RUNX3: variants seen among roughly 807,000 people sequenced by gnomAD.
RUNX3 encodes RUNX family transcription factor 3.
RUNX3 carries 10 observed loss-of-function variants against 27.7 expected under a neutral mutation model. The observed-to-expected ratio is 0.36, with a 90% CI of 0.22 to 0.61. The LOEUF (loss-of-function observed/expected upper bound fraction) is 0.61. RUNX3 is among the 20% of genes least tolerant of loss of function. The pLI, the probability that RUNX3 is intolerant of heterozygous loss-of-function variation, is 0.72. For missense variants in RUNX3, 469 were observed against 629.5 expected (o/e 0.75, Z 2.73); for synonymous variants, 270 against 269.2 (o/e 1.00, Z -0.03).
chr1:24,902,521 C>T lies in RUNX3; in HGVS notation c.849G>A (p.Thr283=), dbSNP rs779004787. 6.9e-6 allele frequency: 11 copies of T among 1,596,052 alleles called. No homozygotes were observed. The highest frequency in any genetic ancestry group is 3.4e-5 in the Admixed American group (2 of 59,442). The change falls in exon 5 of 5, where the codon ACG becomes ACA. Residue 283 remains threonine, a synonymous_variant. Coordinates refer to ENST00000308873, the MANE Select transcript of RUNX3 (RefSeq NM_004350.3). This position sits in a 1 kb window ranked among gnomAD's most constrained non-coding sequence, Gnocchi z 9.2. The stretch of plus-strand genomic sequence containing the variant: ...GGCTGCTGATGCTCGTGCCCGAGGG[C>T]GTGGCGCTGTAGGGGAAGGCAGCTG... ...AMSAAFPYSA[T]PSGTSISSLS... is the part of the protein sequence containing the mutation.
upstream of RUNX3, among the ~76,000 whole-genome samples, chr1:24,932,284 G>A (rs1026845442): frequency 6.6e-6 from 1 of 151,060 alleles, no homozygotes; most frequent in Admixed American, 6.6e-5. Flanking sequence ...TCCGTAGGGC[G>A]CTGGCTCCCC....
chr1:24,945,928 T>A (rs1174163669), intron 2 of RUNX3, among the ~76,000 whole-genome samples: 2 of 152,204 alleles, frequency 1.3e-5, no homozygotes, highest in Non-Finnish European at 1.5e-5. Context: ...CTTGCTATTG[T>A]GTCCTTTACG....
chr1:24,939,327 A>G (rs1641421157), intron 2 of RUNX3, among the ~76,000 whole-genome samples: 1 of 152,250 alleles, frequency 6.6e-6, no homozygotes, highest in Non-Finnish European at 1.5e-5. Flanking sequence ...CATGGAGGAC[A>G]GCATTGTTAC....
chr1:24,963,224 A>C (rs1162742284), intron 2 of RUNX3: 1 of 152,562 alleles, frequency 6.6e-6, no homozygotes, highest in African/African-American at 2.4e-5. Flanking sequence ...CCCCGCTCTC[A>C]GACAAGCCTT....
At chr1:24,935,409 C>T (rs753405017) in intron 2 of RUNX3, among the ~76,000 whole-genome samples, 8 of 152,204 alleles carry the variant, frequency 5.3e-5, no homozygotes, top group Non-Finnish European at 1.0e-4. Context: ...TCCCGCGGGG[C>T]GCCAGCTCCC....
intron 2 of RUNX3, among the ~76,000 whole-genome samples, chr1:24,924,241 G>A (rs1008475218): frequency 2.0e-5 from 3 of 152,144 alleles, no homozygotes; most frequent in Non-Finnish European, 2.9e-5. Context: ...GCTGAGCATG[G>A]TGGCGCATGC....
chr1:24,961,970 T>G (rs1642125521), intron 2 of RUNX3: 2 of 152,096 alleles, frequency 1.3e-5, no homozygotes, highest in South Asian at 4.2e-4. Flanking sequence ...ACCTGGAGTT[T>G]TTGTCTTGCG....
chr1:24,907,138 A>G, intron 4 of RUNX3, 121 bp downstream of exon 4: 2 of 1,046,488 alleles, frequency 1.9e-6, no homozygotes, highest in African/African-American at 1.6e-5. Flanking sequence ...CAGCTCCTCT[A>G]CAAAACAAGG....
intron 2 of RUNX3, among the ~76,000 whole-genome samples, chr1:24,936,572 T>A (rs906313176): frequency 6.6e-6 from 1 of 152,158 alleles, no homozygotes; most frequent in African/African-American, 2.4e-5. Context: ...AACTGAGGCC[T>A]AGGAAGGAAG....
rs550473280 is a variant in RUNX3, at chr1:24,923,475, A to G, written c.439+4099T>C. Among the ~76,000 whole-genome samples, 158 of 152,256 alleles carry G rather than the reference A, an allele frequency of 1.0e-3. 1 individual carries two copies. The highest frequency in any genetic ancestry group is 3.6e-3 in the African/African-American group (151 of 41,528). ...ACCTGCAATCCATCAGGAGCCCAGG[A>G]AGTGTAAACCCAGGCTCTCTGAGGG... On this transcript the variant is annotated intron_variant, in intron 2 of 4. Transcript: ENST00000308873. This position sits in a 1 kb window ranked among gnomAD's most constrained non-coding sequence, Gnocchi z 5.9.
At position 24,926,444 on chromosome 1, in the gene RUNX3, T is replaced by C. The variant is rs141554494; in HGVS notation, c.439+1130A>G. ...GAAATGTTTGAAAGAATGTAAACTATTTCAGTTTCATAAAAAGTAACAAGT... is the reference window on the plus strand; with the variant it reads ...GAAATGTTTGAAAGAATGTAAACTACTTCAGTTTCATAAAAAGTAACAAGT... On this transcript the variant is annotated intron_variant, in intron 2 of 4. Transcript: ENST00000308873. 3.2e-4 allele frequency among the ~76,000 whole-genome samples: 48 copies of C among 152,378 alleles called. 1 individual carries two copies. In the East Asian group the frequency reaches 7.1e-3, roughly 23 times the overall value.
rs566922858 is a variant in RUNX3, at chr1:24,900,545, A to G, written c.*1577T>C. Reference sequence around the variant, plus strand: ...CAGCCTGGCCCTTGGGCAAGCGCCCACTTTCCCATTTTGCAAAATTCAGGG... The same window carrying G: ...CAGCCTGGCCCTTGGGCAAGCGCCCGCTTTCCCATTTTGCAAAATTCAGGG... On this transcript the variant is annotated 3_prime_UTR_variant, in exon 5 of 5. Coordinates refer to ENST00000308873, the MANE Select transcript of RUNX3 (RefSeq NM_004350.3). 8 of 152,532 alleles carry G rather than the reference A, an allele frequency of 5.2e-5. No individual in the cohort carries two copies. Among genetic ancestry groups the G allele is most frequent in the Admixed American group, 5.2e-4 (8 of 15,304 alleles). 9.4% of individuals were successfully genotyped at this position (152,532 alleles called of 1,614,324 possible). A position where few individuals can be genotyped will look rare whatever the true frequency, so the allele number is the denominator to read the frequency against.
intron 2 of RUNX3, among the ~76,000 whole-genome samples, chr1:24,948,301 T>G (rs1641664459): frequency 6.6e-6 from 1 of 152,228 alleles, no homozygotes; most frequent in African/African-American, 2.4e-5. Flanking sequence ...GAAAAGTCTG[T>G]GTCTGTTGCA....
At chr1:24,942,983 T>G (rs1429844274) in intron 2 of RUNX3, among the ~76,000 whole-genome samples, 1 of 152,122 alleles carries the variant, frequency 6.6e-6, no homozygotes, top group East Asian at 1.9e-4. Context: ...TGTGGGCAGC[T>G]GGGTAGGGTC....
chr1:24,907,897 CTAAACCTCTACAACACACTGTGATG>C (rs1640701833), intron 3 of RUNX3, among the ~76,000 whole-genome samples: 1 of 151,748 alleles, frequency 6.6e-6, no homozygotes, highest in Non-Finnish European at 1.5e-5. Flanking sequence ...ACGCGGTGAT[CTAAACCTCTACAACACACTGTGATG>C]TAAACCTCTA....
At chr1:24,936,475 A>G (rs924121169) in intron 2 of RUNX3, among the ~76,000 whole-genome samples, 1 of 152,206 alleles carries the variant, frequency 6.6e-6, no homozygotes, top group Non-Finnish European at 1.5e-5. Flanking sequence ...TGGCAGAAGA[A>G]CTGTGGGCAG....
At position 24,908,239 on chromosome 1, in the gene RUNX3, G is replaced by A. The variant is rs539723362; in HGVS notation, c.545-822C>T. Among the ~76,000 whole-genome samples, 64 of 149,280 alleles carry A rather than the reference G, an allele frequency of 4.3e-4. 1 individual carries two copies. The highest frequency in any genetic ancestry group is 1.2e-3 in the African/African-American group (48 of 39,810). ...GCGGTGATCTGAACCTCTATGACAC[G>A]CGGTGATCTGAACCTCTACGACACG... On this transcript the variant is annotated intron_variant, in intron 3 of 4. Coordinates refer to ENST00000308873, the MANE Select transcript of RUNX3 (RefSeq NM_004350.3).
rs1194813651 is a variant in RUNX3, at chr1:24,927,280, T to A, written c.439+294A>T. ...TTAATCCACCATCTCCTGCCAGCAT[T>A]TTTTGTGAGACCAGGTGTGCTTAAC... On this transcript the variant is annotated intron_variant, in intron 2 of 4. Coordinates refer to ENST00000308873, the MANE Select transcript of RUNX3 (RefSeq NM_004350.3). This position sits in a 1 kb window ranked among gnomAD's most constrained non-coding sequence, Gnocchi z 5.0. Among the ~76,000 whole-genome samples, 2 of 152,146 alleles carry A rather than the reference T, an allele frequency of 1.3e-5. No individual in the cohort carries two copies. The highest frequency in any genetic ancestry group is 2.9e-5 in the Non-Finnish European group (2 of 68,030).
chr1:24,946,333 G>T (rs898238091), intron 2 of RUNX3, among the ~76,000 whole-genome samples: 2 of 151,918 alleles, frequency 1.3e-5, no homozygotes, highest in Admixed American at 1.3e-4. Context: ...TCAGCCTTCT[G>T]CTCTTCTTAC....
Sources: gnomAD v4.1 joint callset for allele counts (sites outside exome capture counted in the v4.1 genomes callset) on GRCh38, gnomAD v4.1.1 for gene constraint, Gnocchi (gnomAD v3.1) non-coding constraint, MANE v1.5 for transcripts, NCBI Gene and HGNC (gene_info 2026-07-23, HGNC 2026-07-21) for gene names.